Variants in SLCO3A1 observed in about 807,000 individuals in gnomAD.
SLCO3A1 encodes PGE1 transporter.
A neutral mutation model predicts 63.1 loss-of-function variants in SLCO3A1; 27 were observed. That is an observed-to-expected ratio of 0.43 (90% CI 0.32 to 0.59). The LOEUF is 0.59. SLCO3A1 is among the 20% of genes least tolerant of loss of function. The pLI, the probability that SLCO3A1 is intolerant of heterozygous loss-of-function variation, is 0.09. For synonymous variants in SLCO3A1, 473 were observed against 409.9 expected (o/e 1.15, Z -1.86); for missense variants, 773 against 945.8 (o/e 0.82, Z 2.40).
intron 2 of SLCO3A1, among the ~76,000 whole-genome samples, chr15:92,093,835 A>T (rs964731898): frequency 4.0e-5 from 6 of 151,536 alleles, no homozygotes; most frequent in African/African-American, 1.5e-4. Context: ...TAGGCTGGAG[A>T]GCTACCCTCC....
At position 91,856,905 on chromosome 15, in the gene SLCO3A1, C is replaced by T. The variant is rs1176752244; in HGVS notation, c.180+2817C>T. Among the ~76,000 whole-genome samples, 2 of 152,044 alleles carry T rather than the reference C, an allele frequency of 1.3e-5. No homozygotes were observed. The highest frequency in any genetic ancestry group is 3.9e-4 in the East Asian group (2 of 5,188). On this transcript the variant is annotated intron_variant, in intron 1 of 9. Coordinates refer to ENST00000318445, the MANE Select transcript of SLCO3A1 (RefSeq NM_013272.4). This position sits in a 1 kb window ranked among gnomAD's most constrained non-coding sequence, Gnocchi z 4.9. The stretch of plus-strand genomic sequence containing the variant: ...CCTTAAAATATTGCAGTTTCATTTC[C>T]TTATTTTTTTCTGAAAAGACAAATT...
intron 2 of SLCO3A1, among the ~76,000 whole-genome samples, chr15:92,069,811 G>T (rs1227601029): frequency 3.9e-5 from 6 of 152,210 alleles, no homozygotes; most frequent in Admixed American, 3.9e-4. Flanking sequence ...GCCCTCCCCG[G>T]GAGCTGTGGC....
rs752228563 is a variant in SLCO3A1, at chr15:91,854,094, T to G, written c.180+6T>G. The G allele has an allele frequency of 7.4e-6, 11 of 1,485,834 alleles. No individual in the cohort carries two copies. The South Asian group carries it at 1.4e-4, about 19-fold the overall frequency. 92.0% of individuals were successfully genotyped at this position (1,485,834 alleles called of 1,614,324 possible). A position where few individuals can be genotyped will look rare whatever the true frequency, so the allele number is the denominator to read the frequency against. ...GCACGGTGGGCGCCTACCTGGTGAG[T>G]CCCCGAGCCAACTCCGCCGCGGGCC... On this transcript the variant is annotated splice_donor_region_variant and intron_variant, in intron 1 of 9. Coordinates refer to ENST00000318445, the MANE Select transcript of SLCO3A1 (RefSeq NM_013272.4). This position sits in a 1 kb window ranked among gnomAD's most constrained non-coding sequence, Gnocchi z 6.4.
intron 2 of SLCO3A1, among the ~76,000 whole-genome samples, chr15:92,087,093 C>T (rs1376672886): frequency 6.6e-6 from 1 of 151,992 alleles, no homozygotes; most frequent in East Asian, 1.9e-4. Flanking sequence ...AGTCTCTGGT[C>T]TCTGATCCAC....
intron 4 of SLCO3A1, among the ~76,000 whole-genome samples, chr15:92,106,338 C>G (rs1176216279): frequency 6.6e-6 from 1 of 152,154 alleles, no homozygotes; most frequent in Non-Finnish European, 1.5e-5. Flanking sequence ...TGCCCCCGTC[C>G]TCATGCACGT....
At position 92,062,791 on chromosome 15, in the gene SLCO3A1, T is replaced by C. The variant is rs561633786; in HGVS notation, c.647-32090T>C. 1.6e-4 allele frequency among the ~76,000 whole-genome samples: 25 copies of C among 152,304 alleles called. 1 individual carries two copies. In the South Asian group the frequency reaches 5.2e-3, roughly 32 times the overall value. Reference sequence around the variant, plus strand: ...CTGTGGGTGTTATCATTGTGGTCCCTCTGCTGGATGCTCATTAAGGCTTTC... The same window carrying C: ...CTGTGGGTGTTATCATTGTGGTCCCCCTGCTGGATGCTCATTAAGGCTTTC... On this transcript the variant is annotated intron_variant, in intron 2 of 9. Transcript: ENST00000318445.
At chr15:92,001,697 A>G (rs950641555) in intron 2 of SLCO3A1, among the ~76,000 whole-genome samples, 2 of 152,168 alleles carry the variant, frequency 1.3e-5, no homozygotes, top group African/African-American at 4.8e-5. Flanking sequence ...CCATTCTTAG[A>G]ATGTTAAAGT....
intron 1 of SLCO3A1, among the ~76,000 whole-genome samples, chr15:91,908,258 TTA>T (rs1281250085): frequency 2.1e-5 from 3 of 144,548 alleles, no homozygotes; most frequent in Non-Finnish European, 4.6e-5. Context: ...AGACTGGAGT[TTA>T]GAGTCTGTGT....
chr15:91,949,900 G>C (rs1294136012), intron 2 of SLCO3A1, among the ~76,000 whole-genome samples: 2 of 152,044 alleles, frequency 1.3e-5, no homozygotes, highest in Admixed American at 6.5e-5. Context: ...CCAGCTACTC[G>C]GGAGGCTGAG....
chr15:92,080,171 C>G (rs1352877551), intron 2 of SLCO3A1, among the ~76,000 whole-genome samples: 1 of 152,210 alleles, frequency 6.6e-6, no homozygotes, highest in Non-Finnish European at 1.5e-5. Flanking sequence ...CTGAAGTCGT[C>G]TAGCTTTGTG....
rs2046793692 is a variant in SLCO3A1 at position 91,942,754 on chromosome 15, G to T, written c.646+26296G>T. Among the ~76,000 whole-genome samples the T allele has an allele frequency of 6.6e-6, 1 of 152,078 alleles. No homozygotes were observed. The highest frequency in any genetic ancestry group is 2.4e-5 in the African/African-American group (1 of 41,386). On this transcript the variant is annotated intron_variant, in intron 2 of 9. Transcript: ENST00000318445. The surrounding 1 kb of genome is among the most constrained non-coding windows in gnomAD (Gnocchi z 4.1). ...CGGCTAATTTTTGAAAAGAGATGGG[G>T]TTTCTCCATGTTGGCCAGCCTGGTC... is the stretch of plus-strand genomic sequence containing the variant.
chr15:91,915,982 GC>G lies in SLCO3A1; in HGVS notation c.181-5del, dbSNP rs770774900. The G allele has an allele frequency of 3.7e-6, 6 of 1,604,246 alleles. No homozygotes were observed. Among genetic ancestry groups the G allele is most frequent in the Non-Finnish European group, 4.3e-6 (5 of 1,174,924 alleles). On this transcript the variant is annotated splice_polypyrimidine_tract_variant and intron_variant, in intron 1 of 9. Transcript: ENST00000318445. Reference sequence around the variant, plus strand: ...TGGATTGGCTCTGACCTTTCTTCTTGCCCCCCTCAGGTGAGCGTCCTGACCA... The same window carrying G: ...TGGATTGGCTCTGACCTTTCTTCTTGCCCCCTCAGGTGAGCGTCCTGACCA...
chr15:92,044,305 C>T (rs971802028), intron 2 of SLCO3A1, among the ~76,000 whole-genome samples: 26 of 152,272 alleles, frequency 1.7e-4, no homozygotes, highest in African/African-American at 4.8e-4. Flanking sequence ...ACCAATTTCA[C>T]GAACCCCTGT....
At chr15:92,084,367 G>A (rs940202924) in intron 2 of SLCO3A1, among the ~76,000 whole-genome samples, 1 of 152,208 alleles carries the variant, frequency 6.6e-6, no homozygotes, top group Non-Finnish European at 1.5e-5. Context: ...AGCATTCTGT[G>A]CACTACGTAT....
intron 1 of SLCO3A1, among the ~76,000 whole-genome samples, chr15:91,905,460 T>C (rs1186809160): frequency 1.3e-5 from 2 of 152,212 alleles, no homozygotes; most frequent in Non-Finnish European, 2.9e-5. Context: ...CCTAATGCAG[T>C]ATAAATGGTT....
At chr15:92,151,704 C>G (rs1005378126) in intron 9 of SLCO3A1, among the ~76,000 whole-genome samples, 1 of 152,152 alleles carries the variant, frequency 6.6e-6, no homozygotes, top group East Asian at 1.9e-4. Context: ...TATGAGCATT[C>G]TTTTGTTAAG....
chr15:91,979,569 G>GA (rs970412588), intron 2 of SLCO3A1, among the ~76,000 whole-genome samples: 19 of 151,048 alleles, frequency 1.3e-4, no homozygotes, highest in African/African-American at 2.7e-4. Flanking sequence ...TTTATCCACG[G>GA]AAAAAAAAAT....
At chr15:92,145,920 C>T (rs71412545) in intron 7 of SLCO3A1, among the ~76,000 whole-genome samples, 5 of 151,502 alleles carry the variant, frequency 3.3e-5, no homozygotes, top group Admixed American at 3.3e-4. Context: ...CTTTCAGACA[C>T]CCCTGAAACC....
intron 2 of SLCO3A1, among the ~76,000 whole-genome samples, chr15:92,029,529 T>G (rs892641012): frequency 6.6e-6 from 1 of 152,204 alleles, no homozygotes; most frequent in Non-Finnish European, 1.5e-5. Context: ...TTGAAAAATG[T>G]TTGTTTTCTC....
Sources: gnomAD v4.1 joint callset for allele counts (sites outside exome capture counted in the v4.1 genomes callset) on GRCh38, gnomAD v4.1.1 for gene constraint, Gnocchi (gnomAD v3.1) non-coding constraint, MANE v1.5 for transcripts, NCBI Gene and HGNC (gene_info 2026-07-23, HGNC 2026-07-21) for gene names.